The following CXCL17 variants were observed in gnomAD, a reference collection of about 807,000 sequenced individuals.
The protein encoded by CXCL17 is C-X-C motif chemokine ligand 17.
A neutral mutation model predicts 15.5 loss-of-function variants in CXCL17; 9 were observed. That is an observed-to-expected ratio of 0.58 (90% CI 0.35 to 1.01). The LOEUF (loss-of-function observed/expected upper bound fraction) is 1.01, where lower values mean the gene tolerates loss of function less well. Among genes scored for constraint, CXCL17 ranks in the 50% least tolerant of loss-of-function variants. The pLI is 0.02. For missense variants in CXCL17, 133 were observed against 138.2 expected (o/e 0.96, Z 0.19); for synonymous variants, 52 against 52.3 (o/e 0.99, Z 0.02).
At chr19:42,434,956 G>A (rs1487137529) in intron 1 of CXCL17, among the ~76,000 whole-genome samples, 1 of 151,510 alleles carries the variant, frequency 6.6e-6, no homozygotes, top group African/African-American at 2.4e-5. Context: ...GAGGCAGGCG[G>A]ATCATGAGGT....
chr19:42,437,202 G>A (rs1179565430), intron 1 of CXCL17, among the ~76,000 whole-genome samples: 2 of 152,162 alleles, frequency 1.3e-5, no homozygotes, highest in South Asian at 4.1e-4. Flanking sequence ...CTCCCAAAGC[G>A]TTGGGATTAT....
rs1046063299 is a variant in CXCL17, at chr19:42,428,557, A to G, written c.*327T>C. The G allele has an allele frequency of 1.9e-5, 4 of 209,158 alleles. No homozygotes were observed. Among genetic ancestry groups the G allele is most frequent in the Non-Finnish European group, 2.9e-5 (3 of 103,648 alleles). 13.0% of individuals were successfully genotyped at this position (209,158 alleles called of 1,614,324 possible). ...ATTTTGATCTGTGACATTTAAAAATATTTATTGACTTCTGTTTGCTACTTT... is the reference window on the plus strand; with the variant it reads ...ATTTTGATCTGTGACATTTAAAAATGTTTATTGACTTCTGTTTGCTACTTT... On this transcript the variant is annotated 3_prime_UTR_variant, in exon 4 of 4. Coordinates refer to ENST00000601181, the MANE Select transcript of CXCL17 (RefSeq NM_198477.3).
intron 3 of CXCL17, among the ~76,000 whole-genome samples, chr19:42,430,829 C>T (rs1315589221): frequency 1.3e-5 from 2 of 151,440 alleles, no homozygotes; most frequent in Non-Finnish European, 2.9e-5. Context: ...GTTTATGTCT[C>T]TCCCCATTTT....
At chr19:42,430,084 T>G (rs2040762345) in intron 3 of CXCL17, among the ~76,000 whole-genome samples, 1 of 151,956 alleles carries the variant, frequency 6.6e-6, no homozygotes, top group Non-Finnish European at 1.5e-5. Context: ...GGAGGAATGT[T>G]TCAGCCCAGG....
At chr19:42,442,229 C>CTTTT (rs10527944) in intron 1 of CXCL17, among the ~76,000 whole-genome samples, 15 of 122,100 alleles carry the variant, frequency 1.2e-4, no homozygotes, top group Middle Eastern at 5.0e-3. Flanking sequence ...CTTTTCTTTC[C>CTTTT]TTTTTTTTTT....
chr19:42,432,141 G>GTTTT (rs370344388), intron 3 of CXCL17, among the ~76,000 whole-genome samples: 1,092 of 108,554 alleles, frequency 0.01, 52 homozygotes, highest in Admixed American at 0.042. Flanking sequence ...TGCCAATTTA[G>GTTTT]TTTTTTTTTT....
At position 42,428,998 on chromosome 19, in the gene CXCL17, G is replaced by C; in HGVS notation, c.263-17C>G. The C allele has an allele frequency of 6.3e-7, 1 of 1,588,276 alleles. No homozygotes were observed. The highest frequency in any genetic ancestry group is 1.3e-5 in the African/African-American group (1 of 74,490). ...TTTGGTGTCCTAGGGTGCAAATAAAGGGGAGAGGCTAGTGTTAAAACCATT... is the reference window on the plus strand; with the variant it reads ...TTTGGTGTCCTAGGGTGCAAATAAACGGGAGAGGCTAGTGTTAAAACCATT... On this transcript the variant is annotated splice_polypyrimidine_tract_variant and intron_variant, in intron 3 of 3. Transcript: ENST00000601181.
rs571944640 is a variant in CXCL17 at position 42,438,822 on chromosome 19, G to T, written c.79+3932C>A. 5.3e-5 allele frequency among the ~76,000 whole-genome samples: 8 copies of T among 152,256 alleles called. No homozygotes were observed. The South Asian group carries it at 1.0e-3, about 20-fold the overall frequency. On this transcript the variant is annotated intron_variant, in intron 1 of 3. Transcript: ENST00000601181. ...GGTGGAGATGTGTCTAAAGGTCACA[G>T]AAGCCAACTAGAAGGAGCTCCCAAT...
Position 42,428,881 on chromosome 19 carries a change from C to G in CXCL17, c.*3G>C, listed in dbSNP as rs1025141426. 6.2e-7 allele frequency: 1 copy of G among 1,610,458 alleles called. No individual in the cohort carries two copies. Among genetic ancestry groups the G allele is most frequent in the Non-Finnish European group, 8.5e-7 (1 of 1,176,730 alleles). Reference sequence around the variant, plus strand: ...TAATTGGAAGAGTGGGCGCTCAGAGCTCCTACAAAGGCAGAGCAAAGCTTC... The same window carrying G: ...TAATTGGAAGAGTGGGCGCTCAGAGGTCCTACAAAGGCAGAGCAAAGCTTC... On this transcript the variant is annotated 3_prime_UTR_variant, in exon 4 of 4. Coordinates refer to ENST00000601181, the MANE Select transcript of CXCL17 (RefSeq NM_198477.3).
intron 3 of CXCL17, among the ~76,000 whole-genome samples, chr19:42,429,298 A>G (rs1172101770): frequency 6.6e-6 from 1 of 151,014 alleles, no homozygotes; most frequent in African/African-American, 2.4e-5. Flanking sequence ...AAGTGCTAGG[A>G]TTACAGGCAT....
At chr19:42,435,083 G>A (rs1051023360) in intron 1 of CXCL17, among the ~76,000 whole-genome samples, 2 of 151,848 alleles carry the variant, frequency 1.3e-5, no homozygotes, top group Non-Finnish European at 2.9e-5. Flanking sequence ...GGAGGCTGAG[G>A]CAGGAGAATC....
In CXCL17 at chr19:42,429,071, A is replaced by C. The variant is rs2040747677; in HGVS notation, c.263-90T>G. On this transcript the variant is annotated intron_variant, in intron 3 of 3. Transcript: ENST00000601181. ...GAGACGGAGTCTTGCTCTATTGCCC[A>C]GGCTGGAGTGCAGTGGCAGGATCTC... 6.0e-6 allele frequency: 6 copies of C among 992,220 alleles called. No individual in the cohort carries two copies. In the African/African-American group the frequency reaches 9.7e-5, roughly 16 times the overall value. 61.5% of individuals were successfully genotyped at this position (992,220 alleles called of 1,614,324 possible).
At chr19:42,440,782 G>A (rs2040884152) in intron 1 of CXCL17, among the ~76,000 whole-genome samples, 1 of 152,220 alleles carries the variant, frequency 6.6e-6, no homozygotes, top group African/African-American at 2.4e-5. Context: ...TAAAGGTCTA[G>A]GTGAGTCTAA....
chr19:42,433,873 G>A lies in CXCL17; in HGVS notation c.80-17C>T. The A allele has an allele frequency of 6.2e-7, 1 of 1,605,166 alleles. No homozygotes were observed. The highest frequency in any genetic ancestry group is 1.3e-5 in the African/African-American group (1 of 74,868). On this transcript the variant is annotated splice_polypyrimidine_tract_variant and intron_variant, in intron 1 of 3. Transcript: ENST00000601181. ...TGGCGACCCCTGTCGGAAGGAAACA[G>A]GTCACATCCAGACACTGGAAAGGGC... is the stretch of plus-strand genomic sequence containing the variant.
intron 1 of CXCL17, among the ~76,000 whole-genome samples, chr19:42,437,637 A>G (rs2040846576): frequency 6.6e-6 from 1 of 152,332 alleles, no homozygotes; most frequent in South Asian, 2.1e-4. Context: ...TGTTGAGTAC[A>G]TGATGGTTAT....
Position 42,442,834 on chromosome 19 carries a change from G to C in CXCL17, c.-2C>G, listed in dbSNP as rs1346533860. The C allele has an allele frequency of 6.2e-7, 1 of 1,611,532 alleles. No homozygotes were observed. The highest frequency in any genetic ancestry group is 1.3e-5 in the African/African-American group (1 of 74,832). Reference sequence around the variant, plus strand: ...GAGGGAAGAGATTAGAACTTTCATCGCAACTGTCGGTGCAGCTGTAAGTTG... The same window carrying C: ...GAGGGAAGAGATTAGAACTTTCATCCCAACTGTCGGTGCAGCTGTAAGTTG... On this transcript the variant is annotated 5_prime_UTR_variant, in exon 1 of 4. Coordinates refer to ENST00000601181, the MANE Select transcript of CXCL17 (RefSeq NM_198477.3).
chr19:42,439,168 C>T (rs938972669), intron 1 of CXCL17, among the ~76,000 whole-genome samples: 1 of 146,846 alleles, frequency 6.8e-6, no homozygotes, highest in East Asian at 2.0e-4. Context: ...GTGGGAGGAT[C>T]GCTTGAGCCC....
At chr19:42,441,907 A>G (rs1267728049) in intron 1 of CXCL17, among the ~76,000 whole-genome samples, 2 of 152,202 alleles carry the variant, frequency 1.3e-5, no homozygotes, top group African/African-American at 2.4e-5. Flanking sequence ...TAAAGCTTCA[A>G]ATATGGACAC....
At chr19:42,438,329 G>C (rs2040852734) in intron 1 of CXCL17, among the ~76,000 whole-genome samples, 1 of 115,170 alleles carries the variant, frequency 8.7e-6, no homozygotes, top group South Asian at 3.1e-4. Flanking sequence ...CTGCACTCCA[G>C]CCTGGGCGAC....
Sources: gnomAD v4.1 joint callset for allele counts (sites outside exome capture counted in the v4.1 genomes callset) on GRCh38, gnomAD v4.1.1 for gene constraint, MANE v1.5 for transcripts, NCBI Gene and HGNC (gene_info 2026-07-23, HGNC 2026-07-21) for gene names.